MACROD2: variants seen among roughly 807,000 people sequenced by gnomAD.
The protein encoded by MACROD2 is mono-ADP ribosylhydrolase 2.
A neutral mutation model predicts 70.4 loss-of-function variants in MACROD2; 36 were observed. The observed-to-expected ratio is 0.51, with a 90% CI of 0.39 to 0.68. The LOEUF (loss-of-function observed/expected upper bound fraction) is 0.68, where lower values mean the gene tolerates loss of function less well. Ranked by LOEUF, MACROD2 falls within the 30% of genes least tolerant of loss-of-function variation. The pLI is 0.00. For synonymous variants in MACROD2, 172 were observed against 178.8 expected (o/e 0.96, Z 0.30); for missense variants, 496 against 538.4 (o/e 0.92, Z 0.78).
Position 16,050,956 on chromosome 20 carries a change from C to T in MACROD2, c.*1080C>T, listed in dbSNP as rs1408512225. On this transcript the variant is annotated 3_prime_UTR_variant, in exon 18 of 18. Transcript: ENST00000684519. ...GTTCAAGGCTGATTCAATGGTTGGT[C>T]CCCTCACCCAGAAAACCCTGAAGGG... The T allele has an allele frequency of 1.3e-5, 2 of 152,238 alleles. No homozygotes were observed. Among genetic ancestry groups the T allele is most frequent in the African/African-American group, 4.8e-5 (2 of 41,426 alleles). The allele number at this position is 152,238 out of a possible 1,614,324, so 9.4% of individuals were successfully genotyped here.
At chr20:15,447,806 G>A (rs963040249) in intron 7 of MACROD2, among the ~76,000 whole-genome samples, 3 of 152,136 alleles carry the variant, frequency 2.0e-5, no homozygotes, top group South Asian at 2.1e-4. Flanking sequence ...CTGCCGCAGG[G>A]TGAAGCAGGA....
chr20:15,376,977 G>A (rs905954301), intron 6 of MACROD2, among the ~76,000 whole-genome samples: 1 of 152,036 alleles, frequency 6.6e-6, no homozygotes, highest in Non-Finnish European at 1.5e-5. Flanking sequence ...TGCAAGCTCC[G>A]CCTCCTGGGT....
intron 15 of MACROD2, among the ~76,000 whole-genome samples, chr20:16,002,351 A>G (rs1333332995): frequency 6.6e-6 from 1 of 152,198 alleles, no homozygotes; most frequent in Non-Finnish European, 1.5e-5. Flanking sequence ...TCCATGTGTT[A>G]CATTACACAG....
chr20:14,986,414 G>A (rs1422654342), intron 5 of MACROD2, among the ~76,000 whole-genome samples: 1 of 152,088 alleles, frequency 6.6e-6, no homozygotes, highest in Non-Finnish European at 1.5e-5. Flanking sequence ...TTCAGTTCCT[G>A]CAGATCCATT....
chr20:15,785,174 A>T (rs8125504), intron 8 of MACROD2, among the ~76,000 whole-genome samples: 1 of 150,958 alleles, frequency 6.6e-6, no homozygotes, highest in Non-Finnish European at 1.5e-5. Context: ...AAAAAAAATT[A>T]AAAAAAATCA....
At chr20:15,197,113 G>T (rs199310) in intron 5 of MACROD2, 117,604 of 698,854 alleles carry the variant, frequency 0.17, 10,408 homozygotes, top group African/African-American at 0.31. Flanking sequence ...ATGCCCTGGT[G>T]AGTTTCCCTG....
chr20:15,496,023 C>T (rs2047293023), intron 7 of MACROD2, among the ~76,000 whole-genome samples: 1 of 152,146 alleles, frequency 6.6e-6, no homozygotes, highest in Admixed American at 6.5e-5. Context: ...AGGCCAGTGT[C>T]GTTGCAGTGG....
At chr20:16,010,595 T>C (rs1384393384) in intron 15 of MACROD2, among the ~76,000 whole-genome samples, 1 of 152,216 alleles carries the variant, frequency 6.6e-6, no homozygotes, top group African/African-American at 2.4e-5. Context: ...CTTTAAAGTG[T>C]GCTCAGGTGT....
chr20:14,846,543 A>C (rs1480880876), intron 5 of MACROD2, among the ~76,000 whole-genome samples: 1 of 150,068 alleles, frequency 6.7e-6, no homozygotes, highest in African/African-American at 2.5e-5. Flanking sequence ...TTTGAGACGG[A>C]GTCTCCCTCT....
At chr20:15,992,162 A>T (rs2066567483) in intron 15 of MACROD2, among the ~76,000 whole-genome samples, 1 of 152,212 alleles carries the variant, frequency 6.6e-6, no homozygotes, top group South Asian at 2.1e-4. Flanking sequence ...GCGTAAAGTT[A>T]GATTATACGT....
At chr20:14,280,788 G>T (rs1028900635) in intron 3 of MACROD2, among the ~76,000 whole-genome samples, 1 of 152,146 alleles carries the variant, frequency 6.6e-6, no homozygotes, top group African/African-American at 2.4e-5. Context: ...TGACGTTATT[G>T]CATTAGTCGA....
chr20:14,797,608 C>G (rs747078034), intron 5 of MACROD2, among the ~76,000 whole-genome samples: 1 of 152,074 alleles, frequency 6.6e-6, no homozygotes, highest in Admixed American at 6.5e-5. Flanking sequence ...ATGACATTTC[C>G]TCATGAAGTC....
intron 5 of MACROD2, among the ~76,000 whole-genome samples, chr20:15,131,352 G>A (rs2076103443): frequency 6.6e-6 from 1 of 151,978 alleles, no homozygotes; most frequent in South Asian, 2.1e-4. Flanking sequence ...AAGTATTAAT[G>A]GCAAAAACCG....
intron 3 of MACROD2, among the ~76,000 whole-genome samples, chr20:14,398,491 C>G (rs868088667): frequency 6.6e-6 from 1 of 151,616 alleles, no homozygotes; most frequent in Non-Finnish European, 1.5e-5. Context: ...TTGCATTTCC[C>G]TGATGATTAG....
chr20:15,127,279 A>G (rs527961133), intron 5 of MACROD2, among the ~76,000 whole-genome samples: 2 of 152,282 alleles, frequency 1.3e-5, no homozygotes, highest in Non-Finnish European at 2.9e-5. Flanking sequence ...TAAAGCTTAC[A>G]TAGATAACCT....
intron 5 of MACROD2, among the ~76,000 whole-genome samples, chr20:14,968,256 C>T (rs1430539530): frequency 6.6e-6 from 1 of 152,114 alleles, no homozygotes; most frequent in Non-Finnish European, 1.5e-5. Flanking sequence ...GTAAAATAAA[C>T]AAGATGATAC....
intron 5 of MACROD2, among the ~76,000 whole-genome samples, chr20:14,735,507 G>A (rs1358208224): frequency 6.6e-6 from 1 of 152,088 alleles, no homozygotes; most frequent in Non-Finnish European, 1.5e-5. Context: ...TGGTGAGAAT[G>A]CGGAGAAATT....
intron 8 of MACROD2, among the ~76,000 whole-genome samples, chr20:15,778,871 T>C (rs6110780): frequency 3.7e-4 from 57 of 152,256 alleles, no homozygotes; most frequent in African/African-American, 1.3e-3. Context: ...AAGTGATTTA[T>C]AGCTCATATG....
At chr20:14,051,823 AC>A (rs745856280) in intron 2 of MACROD2, 25 of 471,556 alleles carry the variant, frequency 5.3e-5, no homozygotes, top group Admixed American at 3.4e-4. Flanking sequence ...ATTCTGGACC[AC>A]TTGAAAGGCC....
Sources: gnomAD v4.1 joint callset for allele counts (sites outside exome capture counted in the v4.1 genomes callset) on GRCh38, gnomAD v4.1.1 for gene constraint, MANE v1.5 for transcripts, NCBI Gene and HGNC (gene_info 2026-07-23, HGNC 2026-07-21) for gene names.